Variants in ANKRD36C observed in about 807,000 individuals in gnomAD.
The protein encoded by ANKRD36C is ankyrin repeat domain-containing protein 36C.
A neutral mutation model predicts 276.4 loss-of-function variants in ANKRD36C; 61 were observed. The observed-to-expected ratio is 0.22, with a 90% confidence interval of 0.18 to 0.27. ANKRD36C has a LOEUF of 0.27. Among genes scored for constraint, ANKRD36C ranks in the 10% least tolerant of loss-of-function variants. The pLI is 1.00. For synonymous variants in ANKRD36C, 483 were observed against 680.1 expected (o/e 0.71, Z 4.51); for missense variants, 1,447 against 2,032.3 (o/e 0.71, Z 5.54).
chr2:95,979,872 C>T (rs1292376378), intron 5 of ANKRD36C, among the ~76,000 whole-genome samples: 1 of 151,950 alleles, frequency 6.6e-6, no homozygotes, highest in Non-Finnish European at 1.5e-5. Context: ...GTGAAAGTGT[C>T]AATTTGCTCC....
At chr2:95,912,157 C>T (rs530455990) in intron 42 of ANKRD36C, 87 bp downstream of exon 44, 74 of 1,509,386 alleles carry the variant, frequency 4.9e-5, no homozygotes, top group Middle Eastern at 2.4e-4. Context: ...GAATGTGCAG[C>T]TTCGACCAGC....
At chr2:95,978,634 AC>A (rs1346446187) in intron 5 of ANKRD36C, among the ~76,000 whole-genome samples, 1 of 152,082 alleles carries the variant, frequency 6.6e-6, no homozygotes, top group Non-Finnish European at 1.5e-5. Flanking sequence ...TTGTTCTTGA[AC>A]TTTATCGCTG....
chr2:95,988,197 T>C (rs1164181599), intron 1 of ANKRD36C, among the ~76,000 whole-genome samples: 30 of 151,918 alleles, frequency 2.0e-4, no homozygotes, highest in Admixed American at 1.9e-3. Flanking sequence ...AATTCTTACT[T>C]TAATTTTCAA....
At chr2:95,988,111 A>G (rs1372753447) in intron 1 of ANKRD36C, among the ~76,000 whole-genome samples, 1 of 151,336 alleles carries the variant, frequency 6.6e-6, no homozygotes, top group African/African-American at 2.4e-5. Flanking sequence ...TTCTACTCAT[A>G]TAATTGGCAC....
rs1186908533 is a variant in ANKRD36C at position 95,911,006 on chromosome 2, G to C, written c.2653+1238C>G. On this transcript the variant is annotated intron_variant, in intron 42 of 66. Coordinates refer to ENST00000456556, the Ensembl canonical transcript of ANKRD36C. ...AAACATTCATCATGCTCTTTAACTT[G>C]CCCAATAACTGAGAAGGCACACAAT... 4.6e-5 allele frequency among the ~76,000 whole-genome samples: 7 copies of C among 151,356 alleles called. No individual in the cohort carries two copies. In the East Asian group the frequency reaches 1.4e-3, roughly 30 times the overall value.
intron 59 of ANKRD36C, among the ~76,000 whole-genome samples, chr2:95,870,169 C>T (rs1470509883): frequency 1.3e-5 from 2 of 152,202 alleles, no homozygotes; most frequent in East Asian, 1.9e-4. Flanking sequence ...AGTGGTTCTC[C>T]CAGCATGCAG....
At chr2:95,891,035 T>C (rs1282611630) in intron 46 of ANKRD36C, among the ~76,000 whole-genome samples, 2 of 151,446 alleles carry the variant, frequency 1.3e-5, no homozygotes, top group African/African-American at 4.8e-5. Context: ...GTGTGGTGTA[T>C]TCCAATTATA....
intron 3 of ANKRD36C, among the ~76,000 whole-genome samples, chr2:95,983,047 G>A (rs1489629068): frequency 2.0e-5 from 3 of 151,694 alleles, no homozygotes; most frequent in Admixed American, 2.0e-4. Context: ...TAAAGGTGGA[G>A]GTTTCCTCTG....
chr2:95,980,508 AACTTAAAAACTTGAAAATTTGTC>A, intron 5 of ANKRD36C, 117 bp downstream of exon 5: 1 of 1,261,104 alleles, frequency 7.9e-7, no homozygotes, highest in Non-Finnish European at 1.1e-6. Flanking sequence ...AACTCTCGAA[AACTTAAAAACTTGAAAATTTGTC>A]ACTTGAAAAC....
intron 30 of ANKRD36C, 110 bp downstream of exon 30, chr2:95,925,242 T>C: frequency 1.3e-6 from 2 of 1,506,352 alleles, no homozygotes; most frequent in African/African-American, 1.4e-5. Context: ...ATCTCAGGCC[T>C]GCTTAATCAG....
At chr2:95,912,575 GA>G in intron 40 of ANKRD36C, 140 bp from the exon 43 acceptor site, 1 of 1,505,608 alleles carries the variant, frequency 6.6e-7, no homozygotes, top group South Asian at 1.2e-5. Flanking sequence ...TGTGTCTGGG[GA>G]CCAGAACGTG....
intron 42 of ANKRD36C, among the ~76,000 whole-genome samples, chr2:95,903,683 C>A (rs1676723444): frequency 6.8e-6 from 1 of 147,312 alleles, no homozygotes; most frequent in South Asian, 2.1e-4. Flanking sequence ...TAACAATCTG[C>A]CTAAGTTTCT....
chr2:95,952,864 C>A (rs561604377), intron 14 of ANKRD36C, among the ~76,000 whole-genome samples: 2 of 152,290 alleles, frequency 1.3e-5, no homozygotes, highest in South Asian at 2.1e-4. Flanking sequence ...CATGCAAGAC[C>A]TTATTCTGTG....
intron 44 of ANKRD36C, 86 bp from the exon 61 acceptor site, chr2:95,895,676 T>A: frequency 6.4e-7 from 1 of 1,554,198 alleles, no homozygotes; most frequent in Non-Finnish European, 8.7e-7. Context: ...CATCAACCTC[T>A]GTCCTCCTGC....
At chr2:95,926,489 C>T (rs1422697247) in intron 28 of ANKRD36C, among the ~76,000 whole-genome samples, 3 of 151,484 alleles carry the variant, frequency 2.0e-5, no homozygotes, top group African/African-American at 4.8e-5. Flanking sequence ...AAAAGCAAAG[C>T]CAATATATGC....
At chr2:95,934,431 A>C (rs1467820201) in intron 24 of ANKRD36C, among the ~76,000 whole-genome samples, 1 of 152,158 alleles carries the variant, frequency 6.6e-6, no homozygotes, top group Non-Finnish European at 1.5e-5. Context: ...CCATTAAAAA[A>C]GGATGAGTTC....
chr2:95,954,307 T>C (rs1678277643), intron 13 of ANKRD36C, among the ~76,000 whole-genome samples: 1 of 152,132 alleles, frequency 6.6e-6, no homozygotes, highest in African/African-American at 2.4e-5. Context: ...GGCCAGACAA[T>C]AATTTGTCCT....
chr2:95,860,092 C>A lies in ANKRD36C; in HGVS notation c.3683-18G>T, dbSNP rs776516073. Reference sequence around the variant, plus strand: ...AACACAATCTGTAACCAGGAAAAAACAAAGTAGAGATAAAATACATGAGTA... The same window carrying A: ...AACACAATCTGTAACCAGGAAAAAAAAAAGTAGAGATAAAATACATGAGTA... On this transcript the variant is annotated intron_variant, in intron 60 of 66. Transcript: ENST00000456556. The A allele has an allele frequency of 5.6e-6, 8 of 1,439,410 alleles. No individual in the cohort carries two copies. Among genetic ancestry groups the A allele is most frequent in the African/African-American group, 1.4e-5 (1 of 70,698 alleles). 89.2% of individuals were successfully genotyped at this position (1,439,410 alleles called of 1,614,324 possible). A position where few individuals can be genotyped will look rare whatever the true frequency, so the allele number is the denominator to read the frequency against.
downstream of ANKRD36C, among the ~76,000 whole-genome samples, chr2:95,849,866 CAGATGAAG>C (rs1340353229): frequency 6.6e-6 from 1 of 152,192 alleles, no homozygotes; most frequent in Non-Finnish European, 1.5e-5. Flanking sequence ...GCTGGAAATA[CAGATGAAG>C]CTTCACTCGC....
Sources: gnomAD v4.1 joint callset for allele counts (sites outside exome capture counted in the v4.1 genomes callset) on GRCh38, gnomAD v4.1.1 for gene constraint, MANE v1.5 for transcripts, NCBI Gene and HGNC (gene_info 2026-07-23, HGNC 2026-07-21) for gene names.